GPR137B: variants seen among roughly 807,000 people sequenced by gnomAD.
GPR137B encodes the protein G protein-coupled receptor 137B, also known as integral membrane protein GPR137B.
GPR137B carries 42 observed loss-of-function variants against 42.5 expected under a neutral mutation model. That is an observed-to-expected ratio of 0.99 (90% CI 0.77 to 1.28). The LOEUF is 1.28. Ranked by LOEUF, GPR137B falls within the 50% of genes most tolerant of loss-of-function variation. The probability of loss-of-function intolerance (pLI) is 0.00; values close to 1 mark genes in which losing one functional copy is unlikely to be tolerated. For synonymous variants in GPR137B, 218 were observed against 209.7 expected, an observed-to-expected ratio of 1.04 and a Z score of -0.34; for missense variants, 487 against 493.9, an observed-to-expected ratio of 0.99 and a Z score of 0.13.
intron 2 of GPR137B, among the ~76,000 whole-genome samples, chr1:236,176,907 G>A (rs1259599652): frequency 6.6e-6 from 1 of 152,140 alleles, no homozygotes; most frequent in Non-Finnish European, 1.5e-5. Flanking sequence ...GTTATAAACT[G>A]TGATAAGTCT....
At chr1:236,177,194 G>A (rs1662712994) in intron 2 of GPR137B, among the ~76,000 whole-genome samples, 1 of 152,170 alleles carries the variant, frequency 6.6e-6, no homozygotes, top group Non-Finnish European at 1.5e-5. Flanking sequence ...TGAGTAAGTG[G>A]GGGGTTGTTA....
intron 5 of GPR137B, among the ~76,000 whole-genome samples, chr1:236,197,687 G>C (rs1405063500): frequency 1.3e-5 from 2 of 152,138 alleles, no homozygotes; most frequent in Non-Finnish European, 2.9e-5. Context: ...TTGAAGATCA[G>C]TTGTCTGTAC....
intron 1 of GPR137B, among the ~76,000 whole-genome samples, chr1:236,144,728 C>T (rs1377291778): frequency 1.3e-5 from 2 of 152,202 alleles, no homozygotes; most frequent in African/African-American, 2.4e-5. Flanking sequence ...TGAGGTGGTT[C>T]TAGCAAGATG....
At chr1:236,196,672 T>C (rs1663347980) in intron 5 of GPR137B, among the ~76,000 whole-genome samples, 1 of 152,198 alleles carries the variant, frequency 6.6e-6, no homozygotes, top group Admixed American at 6.5e-5. Context: ...TGCATCTTCA[T>C]AGCTCAGCTC....
intron 5 of GPR137B, among the ~76,000 whole-genome samples, chr1:236,192,372 T>TG (rs1663214230): frequency 1.3e-5 from 2 of 148,252 alleles, no homozygotes; most frequent in East Asian, 2.0e-4. Flanking sequence ...CACTGGGGTA[T>TG]GGGGAAAAAA....
chr1:236,196,934 A>G (rs574918938), intron 5 of GPR137B, among the ~76,000 whole-genome samples: 2 of 152,322 alleles, frequency 1.3e-5, no homozygotes, highest in African/African-American at 4.8e-5. Flanking sequence ...TGCCTGCACA[A>G]GTGTCTTTTT....
At position 236,200,900 on chromosome 1, in the gene GPR137B, C is replaced by CT. The variant is rs3082496; in HGVS notation, c.967-4216dup. 1.6e-3 allele frequency among the ~76,000 whole-genome samples: 236 copies of CT among 149,624 alleles called. 2 individuals carry two copies. Among genetic ancestry groups the CT allele is most frequent in the African/African-American group, 2.1e-3 (84 of 40,480 alleles). On this transcript the variant is annotated intron_variant, in intron 5 of 6. Transcript: ENST00000366592. ...CATCATGCCAGTTGTTGCCTGAATA[C>CT]TTTTTTTTTTCATTGTTTTATAGGC...
Position 236,207,836 on chromosome 1 carries a change from CTG to C in GPR137B, c.1092-211_1092-210del, listed in dbSNP as rs1663706351. Among the ~76,000 whole-genome samples the C allele has an allele frequency of 6.6e-5, 10 of 152,108 alleles. No individual in the cohort carries two copies. The South Asian group carries it at 1.9e-3, about 29-fold the overall frequency. The stretch of plus-strand genomic sequence containing the variant: ...GGGTTCTCTAGTCATGCTGTATACT[CTG>C]TGCTCTAAAGAGTTCAGTAGAGTTG... On this transcript the variant is annotated intron_variant, in intron 6 of 6. Coordinates refer to ENST00000366592, the MANE Select transcript of GPR137B (RefSeq NM_003272.4).
At chr1:236,170,871 G>A (rs1662513298) in intron 2 of GPR137B, among the ~76,000 whole-genome samples, 1 of 151,704 alleles carries the variant, frequency 6.6e-6, no homozygotes, top group Non-Finnish European at 1.5e-5. Flanking sequence ...AGCTACTCAG[G>A]AGGCTGAGTT....
At chr1:236,168,817 A>C in intron 2 of GPR137B, 62 bp downstream of exon 2, 1,402 of 1,151,304 alleles carry the variant, frequency 1.2e-3, no homozygotes, top group Non-Finnish European at 1.7e-3. Flanking sequence ...CATGAATCTC[A>C]TCTCTCCATT....
rs1661814683 is a variant in GPR137B at position 236,150,244 on chromosome 1, CGTGTGTGTGCCTGTGTTT to C, written c.414+7217_414+7234del. 8.5e-6 allele frequency among the ~76,000 whole-genome samples: 1 copy of C among 117,102 alleles called. No homozygotes were observed. The highest frequency in any genetic ancestry group is 1.8e-5 in the Non-Finnish European group (1 of 56,166). 76.8% of individuals were successfully genotyped at this position (117,102 alleles called of 152,430 possible). ...GTGTGTGCCTGTGTATGTCTGTGCC[CGTGTGTGTGCCTGTGTTT>C]GTGTGTGTCTGTGCCTGTGTGTGTC... is the stretch of plus-strand genomic sequence containing the variant. On this transcript the variant is annotated intron_variant, in intron 1 of 6. Coordinates refer to ENST00000366592, the MANE Select transcript of GPR137B (RefSeq NM_003272.4). The surrounding 1 kb of genome is among the most constrained non-coding windows in gnomAD (Gnocchi z 6.2).
chr1:236,203,168 C>T (rs568896709), intron 5 of GPR137B, among the ~76,000 whole-genome samples: 14 of 152,280 alleles, frequency 9.2e-5, no homozygotes, highest in African/African-American at 3.4e-4. Context: ...AGCTCCGCCT[C>T]CCAGGTTCAC....
intron 5 of GPR137B, among the ~76,000 whole-genome samples, chr1:236,190,208 T>C (rs2102918914): frequency 6.6e-6 from 1 of 151,914 alleles, no homozygotes; most frequent in South Asian, 2.1e-4. Flanking sequence ...GTCCCTTTAT[T>C]TTGAGCCTAT....
At position 236,208,367 on chromosome 1, in the gene GPR137B, G is replaced by A; in HGVS notation, c.*209G>A. The A allele has an allele frequency of 8.4e-7, 1 of 1,194,524 alleles. No individual in the cohort carries two copies. Among genetic ancestry groups the A allele is most frequent in the South Asian group, 3.4e-5 (1 of 29,264 alleles). The allele number at this position is 1,194,524 out of a possible 1,614,324, so 74.0% of individuals were successfully genotyped here. ...AAGAGGGAGCCTTGCTATTTCAGTG[G>A]GTATAATTTAAACTTTTTAAAGAAA... On this transcript the variant is annotated 3_prime_UTR_variant, in exon 7 of 7. Coordinates refer to ENST00000366592, the MANE Select transcript of GPR137B (RefSeq NM_003272.4).
At chr1:236,168,887 C>G in intron 2 of GPR137B, 132 bp downstream of exon 2, 1 of 725,232 alleles carries the variant, frequency 1.4e-6, no homozygotes, top group Non-Finnish European at 2.5e-6. Flanking sequence ...TGCTGGCTGG[C>G]TGCCCACATT....
chr1:236,192,623 C>A (rs947865016), intron 5 of GPR137B, among the ~76,000 whole-genome samples: 1 of 152,036 alleles, frequency 6.6e-6, no homozygotes, highest in Non-Finnish European at 1.5e-5. Flanking sequence ...ACTTCTCGAT[C>A]GAGGCGACAC....
chr1:236,177,588 G>A (rs10924526), intron 2 of GPR137B, among the ~76,000 whole-genome samples: 11,601 of 151,730 alleles, frequency 0.076, 1,377 homozygotes, highest in African/African-American at 0.25. Context: ...CTTGAGCCTC[G>A]CTCTGTGCCC....
At position 236,150,449 on chromosome 1, in the gene GPR137B, G is replaced by A. The variant is rs951904788; in HGVS notation, c.414+7413G>A. Reference sequence around the variant, plus strand: ...GCCCAGTTTCCCGAGCCCTCTCCTCGAGCCATGGCAGCGTGCTCTTCTCTC... The same window carrying A: ...GCCCAGTTTCCCGAGCCCTCTCCTCAAGCCATGGCAGCGTGCTCTTCTCTC... On this transcript the variant is annotated intron_variant, in intron 1 of 6. Coordinates refer to ENST00000366592, the MANE Select transcript of GPR137B (RefSeq NM_003272.4). This position sits in a 1 kb window ranked among gnomAD's most constrained non-coding sequence, Gnocchi z 6.2. Among the ~76,000 whole-genome samples the A allele has an allele frequency of 1.3e-5, 2 of 152,072 alleles. No homozygotes were observed. The highest frequency in any genetic ancestry group is 2.9e-5 in the Non-Finnish European group (2 of 68,024).
chr1:236,164,997 C>T (rs533814149), intron 1 of GPR137B, among the ~76,000 whole-genome samples: 56 of 152,122 alleles, frequency 3.7e-4, no homozygotes, highest in African/African-American at 1.3e-3. Context: ...CTTTGCCTCC[C>T]GGGTTCAAGC....
Sources: allele counts gnomAD v4.1 joint callset (sites outside exome capture counted in the v4.1 genomes callset), GRCh38; gene constraint gnomAD v4.1.1; non-coding constraint Gnocchi (gnomAD v3.1); transcripts MANE v1.5; gene names NCBI Gene and HGNC (gene_info 2026-07-23, HGNC 2026-07-21).